CDH4: variants seen among roughly 807,000 people sequenced by gnomAD.
CDH4 encodes the protein cadherin-4.
A neutral mutation model predicts 86.0 loss-of-function variants in CDH4; 33 were observed. That is an observed-to-expected ratio of 0.38 (90% confidence interval 0.29 to 0.51). The LOEUF is 0.51. Ranked by LOEUF, CDH4 falls within the 20% of genes least tolerant of loss-of-function variation. The probability of loss-of-function intolerance (pLI) is 0.86; values close to 1 mark genes in which losing one functional copy is unlikely to be tolerated. For missense variants in CDH4, 1,114 were observed against 1,307.4 expected (o/e 0.85, Z 2.28); for synonymous variants, 555 against 549.4 (o/e 1.01, Z -0.14).
At chr20:61,698,694 C>T (rs985800184) in intron 2 of CDH4, among the ~76,000 whole-genome samples, 1 of 152,216 alleles carries the variant, frequency 6.6e-6, no homozygotes, top group Non-Finnish European at 1.5e-5. Context: ...GTGGGGCGTG[C>T]ACTGTGGGGT....
intron 3 of CDH4, among the ~76,000 whole-genome samples, chr20:61,770,882 C>CAAAA (rs4002953): frequency 1.1e-4 from 12 of 111,980 alleles, no homozygotes; most frequent in African/African-American, 3.2e-4. Flanking sequence ...GACTCCGTCT[C>CAAAA]AAAAAAAAAA....
chr20:61,872,836 G>A (rs140003542), intron 6 of CDH4, among the ~76,000 whole-genome samples: 67 of 152,338 alleles, frequency 4.4e-4, no homozygotes, highest in Non-Finnish European at 8.8e-4. Context: ...CGGGTACAGC[G>A]CTAGCACAGA....
At chr20:61,897,058 G>A (rs1985161903) in intron 8 of CDH4, among the ~76,000 whole-genome samples, 1 of 152,182 alleles carries the variant, frequency 6.6e-6, no homozygotes, top group Admixed American at 6.5e-5. Context: ...GCCAGCCCAG[G>A]GAGTCACACT....
intron 2 of CDH4, among the ~76,000 whole-genome samples, chr20:61,432,394 T>G (rs779719796): frequency 3.3e-5 from 5 of 152,208 alleles, no homozygotes; most frequent in Non-Finnish European, 7.4e-5. Flanking sequence ...ACTGACAATA[T>G]TAGGCATATT....
chr20:61,290,872 G>A (rs1296275002), intron 2 of CDH4, among the ~76,000 whole-genome samples: 2 of 152,194 alleles, frequency 1.3e-5, no homozygotes, highest in African/African-American at 4.8e-5. Context: ...AAAAATCTAA[G>A]GGTCTGATGT....
At chr20:61,525,075 A>ATCT (rs749266109) in intron 2 of CDH4, among the ~76,000 whole-genome samples, 8 of 152,072 alleles carry the variant, frequency 5.3e-5, no homozygotes, top group Non-Finnish European at 1.2e-4. Context: ...CTTCTGAATG[A>ATCT]TCTCTCTGTT....
intron 3 of CDH4, among the ~76,000 whole-genome samples, chr20:61,751,557 A>G (rs1419929637): frequency 1.3e-5 from 2 of 151,924 alleles, no homozygotes; most frequent in Admixed American, 6.5e-5. Context: ...CCCAGGGTGC[A>G]GACGCTTGAT....
chr20:61,566,623 G>A (rs561550233), intron 2 of CDH4, among the ~76,000 whole-genome samples: 1 of 152,236 alleles, frequency 6.6e-6, no homozygotes, highest in African/African-American at 2.4e-5. Flanking sequence ...GTGGCCCCGA[G>A]GACCCGTCAG....
chr20:61,843,751 T>C (rs1303015107), intron 4 of CDH4, among the ~76,000 whole-genome samples: 5 of 152,264 alleles, frequency 3.3e-5, no homozygotes, highest in African/African-American at 1.2e-4. Flanking sequence ...GGGTTTCCGC[T>C]ATGGCCCACT....
At chr20:61,697,375 G>A (rs184052704) in intron 2 of CDH4, among the ~76,000 whole-genome samples, 2 of 152,248 alleles carry the variant, frequency 1.3e-5, no homozygotes, top group African/African-American at 2.4e-5. Flanking sequence ...TGAGGCGGGT[G>A]GATCACAAGG....
At chr20:61,555,559 T>A (rs2086171266) in intron 2 of CDH4, among the ~76,000 whole-genome samples, 1 of 152,192 alleles carries the variant, frequency 6.6e-6, no homozygotes, top group Non-Finnish European at 1.5e-5. Context: ...AGCAGTCCCT[T>A]TCTGTCTTTC....
intron 2 of CDH4, among the ~76,000 whole-genome samples, chr20:61,682,707 A>G (rs149055017): frequency 6.6e-6 from 1 of 152,224 alleles, no homozygotes; most frequent in East Asian, 1.9e-4. Flanking sequence ...GCCAGGAATG[A>G]TTTTACCTCC....
At chr20:61,279,349 G>A (rs2427024) in intron 2 of CDH4, among the ~76,000 whole-genome samples, 18,328 of 152,132 alleles carry the variant, frequency 0.12, 1,236 homozygotes, top group Middle Eastern at 0.27. Flanking sequence ...AGCACCTACC[G>A]AGCCTCCTCC....
chr20:61,502,267 G>A (rs2085708373), intron 2 of CDH4, among the ~76,000 whole-genome samples: 1 of 152,212 alleles, frequency 6.6e-6, no homozygotes, highest in African/African-American at 2.4e-5. Flanking sequence ...TGCTCCTGCT[G>A]TAAGGTGCTT....
chr20:61,575,451 G>T (rs1263363714), intron 2 of CDH4, among the ~76,000 whole-genome samples: 1 of 152,216 alleles, frequency 6.6e-6, no homozygotes, highest in Non-Finnish European at 1.5e-5. Context: ...TTGTTGGGTA[G>T]TCTATAATGG....
chr20:61,756,699 G>A (rs1422567061), intron 3 of CDH4, among the ~76,000 whole-genome samples: 1 of 152,052 alleles, frequency 6.6e-6, no homozygotes, highest in Non-Finnish European at 1.5e-5. Context: ...TCCACAGACT[G>A]CATTCCTCCG....
intron 8 of CDH4, among the ~76,000 whole-genome samples, chr20:61,907,597 T>C (rs1186439642): frequency 6.6e-6 from 1 of 152,216 alleles, no homozygotes; most frequent in Non-Finnish European, 1.5e-5. Flanking sequence ...CGCCAGCTCC[T>C]TGTCCTGCTG....
chr20:61,590,431 C>T (rs914245427), intron 2 of CDH4, among the ~76,000 whole-genome samples: 2 of 152,164 alleles, frequency 1.3e-5, no homozygotes, highest in East Asian at 1.9e-4. Context: ...TACTCACACC[C>T]GAAGGAGGGC....
intron 2 of CDH4, among the ~76,000 whole-genome samples, chr20:61,628,492 T>C (rs1384039366): frequency 1.3e-5 from 2 of 152,210 alleles, no homozygotes; most frequent in Non-Finnish European, 2.9e-5. Flanking sequence ...TACAAACTCG[T>C]ATTTTCTCCA....
Sources: allele counts gnomAD v4.1 joint callset (sites outside exome capture counted in the v4.1 genomes callset), GRCh38; gene constraint gnomAD v4.1.1; transcripts MANE v1.5; gene names NCBI Gene and HGNC (gene_info 2026-07-23, HGNC 2026-07-21).